The following ITGB5 variants were observed in gnomAD, a reference collection of about 807,000 sequenced individuals.
ITGB5 encodes the protein integrin subunit beta 5.
In ITGB5, 38 loss-of-function variants were observed where a neutral mutation model predicts 84.8. The observed-to-expected ratio is 0.45, with a 90% CI of 0.35 to 0.59. The LOEUF is 0.59. ITGB5 is among the 20% of genes least tolerant of loss of function. The pLI, the probability that ITGB5 is intolerant of heterozygous loss-of-function variation, is 0.01. For synonymous variants in ITGB5, 393 were observed against 414.4 expected, an observed-to-expected ratio of 0.95 and a Z score of 0.63; for missense variants, 905 against 1,034.5, an observed-to-expected ratio of 0.87 and a Z score of 1.72.
intron 4 of ITGB5, among the ~76,000 whole-genome samples, chr3:124,842,592 A>G (rs1175879584): frequency 6.6e-6 from 1 of 152,176 alleles, no homozygotes; most frequent in Non-Finnish European, 1.5e-5. Flanking sequence ...ATGGGCGAGG[A>G]GGAGCCTGGG....
At chr3:124,870,812 G>T (rs530392394) in intron 2 of ITGB5, among the ~76,000 whole-genome samples, 1 of 152,216 alleles carries the variant, frequency 6.6e-6, no homozygotes, top group South Asian at 2.1e-4. Context: ...CAGATGGATG[G>T]ATGGATAAAT....
chr3:124,783,152 G>A (rs1268600774), intron 10 of ITGB5, among the ~76,000 whole-genome samples: 2 of 151,800 alleles, frequency 1.3e-5, no homozygotes, highest in African/African-American at 4.8e-5. Flanking sequence ...TTAGCCGGGC[G>A]TGGTGGCAGG....
At chr3:124,824,135 T>C (rs2064748822) in intron 5 of ITGB5, among the ~76,000 whole-genome samples, 1 of 152,180 alleles carries the variant, frequency 6.6e-6, no homozygotes, top group Non-Finnish European at 1.5e-5. Flanking sequence ...CAAAACAATT[T>C]TGAAAAAGAA....
At chr3:124,867,559 C>G (rs930760933) in intron 2 of ITGB5, among the ~76,000 whole-genome samples, 2 of 152,220 alleles carry the variant, frequency 1.3e-5, no homozygotes, top group Non-Finnish European at 2.9e-5. Context: ...GCGAGTGACA[C>G]GAGCATAAGC....
intron 8 of ITGB5, 83 bp downstream of exon 8, chr3:124,817,538 C>T (rs1040824557): frequency 7.1e-6 from 5 of 706,034 alleles, no homozygotes; most frequent in Admixed American, 2.8e-5. Flanking sequence ...GAGAACTGCC[C>T]ACCTGAGCCC....
chr3:124,846,336 A>T (rs1436678776), intron 4 of ITGB5, among the ~76,000 whole-genome samples: 1 of 152,010 alleles, frequency 6.6e-6, no homozygotes, highest in Non-Finnish European at 1.5e-5. Flanking sequence ...TGAGAATGGC[A>T]TCACAAGATG....
At chr3:124,826,015 T>C (rs2064780652) in intron 5 of ITGB5, among the ~76,000 whole-genome samples, 1 of 152,188 alleles carries the variant, frequency 6.6e-6, no homozygotes. Flanking sequence ...TATGTAAATA[T>C]CTACAATATA....
In ITGB5 at chr3:124,779,056, C is replaced by G. The variant is rs148077866; in HGVS notation, c.1694-5144G>C. 4.1e-3 allele frequency among the ~76,000 whole-genome samples: 622 copies of G among 152,294 alleles called. 5 individuals carry two copies. Among genetic ancestry groups the G allele is most frequent in the African/African-American group, 0.014 (575 of 41,554 alleles). On this transcript the variant is annotated intron_variant, in intron 10 of 14. Coordinates refer to ENST00000296181, the MANE Select transcript of ITGB5 (RefSeq NM_002213.5). ...TCCCTTGCAGGAATGCTGTCAGAAA[C>G]ATCAGTGCTCTTCCAAGTGATCTCT...
intron 14 of ITGB5, 64 bp downstream of exon 14, chr3:124,764,327 C>A: frequency 2.0e-6 from 3 of 1,527,974 alleles, no homozygotes; most frequent in Middle Eastern, 1.7e-4. Flanking sequence ...GCTAACATAC[C>A]GCTGAACTCA....
At chr3:124,840,443 T>TG (rs71270408) in intron 5 of ITGB5, among the ~76,000 whole-genome samples, 3,505 of 152,160 alleles carry the variant, frequency 0.023, 56 homozygotes, top group Non-Finnish European at 0.034. Flanking sequence ...GTTTTTTTTT[T>TG]GTTATTGTTA....
Position 124,785,710 on chromosome 3 carries a change from G to A in ITGB5, c.1693+10678C>T, listed in dbSNP as rs1384049698. Among the ~76,000 whole-genome samples the A allele has an allele frequency of 4.6e-5, 7 of 152,114 alleles. No individual in the cohort carries two copies. In the South Asian group the frequency reaches 1.0e-3, roughly 23 times the overall value. ...ATGTCTTTCATCAAATTATAGTCAC[G>A]AAACGATGAGTACCTCAGGCAGTTG... On this transcript the variant is annotated intron_variant, in intron 10 of 14. Coordinates refer to ENST00000296181, the MANE Select transcript of ITGB5 (RefSeq NM_002213.5).
intron 5 of ITGB5, among the ~76,000 whole-genome samples, chr3:124,837,881 G>A (rs983768876): frequency 9.8e-5 from 15 of 152,320 alleles, no homozygotes; most frequent in Non-Finnish European, 1.5e-4. Context: ...CAGCGCTGCC[G>A]GGGAATTGCC....
At chr3:124,814,797 T>C (rs189718520) in intron 8 of ITGB5, among the ~76,000 whole-genome samples, 9 of 152,276 alleles carry the variant, frequency 5.9e-5, no homozygotes, top group African/African-American at 1.9e-4. Context: ...TCATAAGTCA[T>C]CAGCTTCATT....
chr3:124,818,380 G>A (rs1398387672), intron 7 of ITGB5, among the ~76,000 whole-genome samples: 1 of 151,948 alleles, frequency 6.6e-6, no homozygotes, highest in Non-Finnish European at 1.5e-5. Context: ...GGTGTATTTA[G>A]CTCTGAGGAA....
chr3:124,850,400 T>C (rs2065134890), intron 3 of ITGB5, among the ~76,000 whole-genome samples: 1 of 151,840 alleles, frequency 6.6e-6, no homozygotes, highest in Admixed American at 6.6e-5. Flanking sequence ...GGATGAAGTA[T>C]GATTATGATC....
chr3:124,845,008 GA>G (rs1435336490), intron 4 of ITGB5, among the ~76,000 whole-genome samples: 4 of 152,304 alleles, frequency 2.6e-5, no homozygotes, highest in Admixed American at 1.3e-4. Context: ...AACCTCCAAG[GA>G]AGAGCTAATG....
At position 124,841,647 on chromosome 3, in the gene ITGB5, A is replaced by G. The variant is rs573036393; in HGVS notation, c.612-96T>C. On this transcript the variant is annotated intron_variant, in intron 4 of 14. Transcript: ENST00000296181. ...TCACTGAGTGCCTTGAGAGGCACCA[A>G]TAACTATTTACCCAGCACCTACCAC... 289 of 1,211,984 alleles carry G rather than the reference A, an allele frequency of 2.4e-4. 3 individuals are homozygous for G. The highest frequency in any genetic ancestry group is 1.3e-3 in the Middle Eastern group (6 of 4,570). 75.1% of individuals were successfully genotyped at this position (1,211,984 alleles called of 1,614,324 possible).
At chr3:124,818,870 A>C (rs2064652140) in intron 7 of ITGB5, among the ~76,000 whole-genome samples, 1 of 152,206 alleles carries the variant, frequency 6.6e-6, no homozygotes, top group Non-Finnish European at 1.5e-5. Context: ...TTTTGTGGAC[A>C]TTCAAGAGCA....
At chr3:124,782,405 G>A (rs1334174835) in intron 10 of ITGB5, among the ~76,000 whole-genome samples, 2 of 152,202 alleles carry the variant, frequency 1.3e-5, no homozygotes, top group Non-Finnish European at 2.9e-5. Context: ...AGTCAAGTAC[G>A]ATGAGGGCTG....
Sources: gnomAD v4.1 joint callset for allele counts (sites outside exome capture counted in the v4.1 genomes callset) on GRCh38, gnomAD v4.1.1 for gene constraint, MANE v1.5 for transcripts, NCBI Gene and HGNC (gene_info 2026-07-23, HGNC 2026-07-21) for gene names.